Variants in ASB8 observed in about 807,000 individuals in gnomAD.
ASB8 encodes ankyrin repeat and SOCS box protein 8.
Under a neutral mutation model 22.9 loss-of-function variants are expected in ASB8, and 15 were observed. The observed-to-expected ratio is 0.66, with a 90% confidence interval of 0.44 to 1.01. The LOEUF is 1.01. Ranked by LOEUF, ASB8 falls within the 50% of genes least tolerant of loss-of-function variation. The pLI is 0.00. For synonymous variants in ASB8, 124 were observed against 140.8 expected (o/e 0.88, Z 0.84); for missense variants, 294 against 356.9 (o/e 0.82, Z 1.42).
intron 2 of ASB8, chr12:48,151,769 C>T (rs933486556): frequency 1.4e-5 from 8 of 578,774 alleles, no homozygotes; most frequent in Admixed American, 2.9e-5. Flanking sequence ...CATCTTAACA[C>T]GGTTTTTCCT....
intron 2 of ASB8, chr12:48,151,742 A>C: frequency 5.0e-6 from 4 of 793,156 alleles, no homozygotes; most frequent in Non-Finnish European, 7.4e-6. Flanking sequence ...ACAAATGACC[A>C]TCATTAATAG....
rs755429850 is a variant in ASB8, at chr12:48,153,520, T to A, written c.-24A>T. On this transcript the variant is annotated 5_prime_UTR_variant, in exon 2 of 4. Coordinates refer to ENST00000317697, the MANE Select transcript of ASB8 (RefSeq NM_024095.5). ...ATCAAGGCTCAAGGTGTTCACATGC[T>A]CCAAACTGCCTGAAACAAAGAAGTT... 3.1e-6 allele frequency: 5 copies of A among 1,612,022 alleles called. No homozygotes were observed. Among genetic ancestry groups the A allele is most frequent in the Non-Finnish European group, 4.2e-6 (5 of 1,178,674 alleles).
chr12:48,155,975 C>T (rs1951298044), intron 1 of ASB8, among the ~76,000 whole-genome samples: 1 of 151,662 alleles, frequency 6.6e-6, no homozygotes, highest in African/African-American at 2.4e-5. Flanking sequence ...CAGGGTTTCA[C>T]CATGTTGGCC....
At chr12:48,151,039 T>G in intron 3 of ASB8, 162 bp downstream of exon 3, 1 of 633,978 alleles carries the variant, frequency 1.6e-6, no homozygotes, top group Non-Finnish European at 2.8e-6. Flanking sequence ...TTTATATATT[T>G]ACCATTACAT....
In ASB8 at chr12:48,153,559, A is replaced by G. The variant is rs868615106; in HGVS notation, c.-33-30T>C. The stretch of plus-strand genomic sequence containing the variant: ...AACAAAGAAGTTTTCGGCATATACA[A>G]TATCACTGAGCACACCTGTCTTTAG... On this transcript the variant is annotated intron_variant, in intron 1 of 3. Transcript: ENST00000317697. 2.3e-5 allele frequency: 36 copies of G among 1,569,112 alleles called. No homozygotes were observed. The Middle Eastern group carries it at 1.2e-3, about 51-fold the overall frequency.
chr12:48,152,295 A>G (rs557133089), intron 2 of ASB8, among the ~76,000 whole-genome samples: 4 of 152,316 alleles, frequency 2.6e-5, no homozygotes, highest in South Asian at 2.1e-4. Flanking sequence ...ATAAGCTAAC[A>G]CTGCATGACT....
chr12:48,154,183 A>C (rs1207346040), intron 1 of ASB8, among the ~76,000 whole-genome samples: 1 of 152,176 alleles, frequency 6.6e-6, no homozygotes, highest in Non-Finnish European at 1.5e-5. Flanking sequence ...CAGAAGAGGA[A>C]AAAAAGGAAA....
rs566604007 is a variant in ASB8 at position 48,154,307 on chromosome 12, C to T, written c.-33-778G>A. Among the ~76,000 whole-genome samples the T allele has an allele frequency of 1.6e-3, 246 of 151,582 alleles. 1 individual carries two copies. Among genetic ancestry groups the T allele is most frequent in the Non-Finnish European group, 3.0e-3 (201 of 67,900 alleles). On this transcript the variant is annotated intron_variant, in intron 1 of 3. Transcript: ENST00000317697. The stretch of plus-strand genomic sequence containing the variant: ...CATCTTGGCTAACACAGTGAAACCC[C>T]GTCTCTACAAAAAATACAAAAAAAT...
chr12:48,150,855 G>A, intron 3 of ASB8: 1 of 422,052 alleles, frequency 2.4e-6, no homozygotes, highest in Non-Finnish European at 4.2e-6. Flanking sequence ...TAGACAATAA[G>A]CAATGAGAAG....
At position 48,149,551 on chromosome 12, in the gene ASB8, G is replaced by A. The variant is rs370055017; in HGVS notation, c.682C>T (p.Arg228Ter). 13 of 1,614,008 alleles carry A rather than the reference G, an allele frequency of 8.1e-6. No individual in the cohort carries two copies. The highest frequency in any genetic ancestry group is 2.2e-5 in the East Asian group (1 of 44,896). ...FELRKNGTMP[R>*]EVARDPQLCE... The stretch of plus-strand genomic sequence containing the variant: ...AGCTGCGGGTCTCTGGCCACCTCTC[G>A]TGGCATGGTGCCATTTTTCCTCAAT... Residue 228 changes from arginine (R) to a stop codon, truncating the protein, a stop_gained, in exon 4 of 4, where the codon CGA (arginine) becomes TGA (stop). Coordinates refer to ENST00000317697, the MANE Select transcript of ASB8 (RefSeq NM_024095.5). LOFTEE classifies it high-confidence loss of function.
At chr12:48,155,736 A>AT (rs1555211480) in intron 1 of ASB8, among the ~76,000 whole-genome samples, 2,721 of 120,658 alleles carry the variant, frequency 0.023, 53 homozygotes, top group African/African-American at 0.046. Context: ...TCTCAAAAAA[A>AT]AAAAAAATAT....
At chr12:48,157,040 T>G (rs1192370374) in intron 1 of ASB8, 1 of 147,776 alleles carries the variant, frequency 6.8e-6, no homozygotes, top group Non-Finnish European at 1.5e-5. Flanking sequence ...ACAGCTCTGA[T>G]GCGAGGGAGG....
At chr12:48,151,710 G>A in intron 2 of ASB8, 1 of 1,112,556 alleles carries the variant, frequency 9.0e-7, no homozygotes. Context: ...GGCCAGAAAT[G>A]GCATGCTCTT....
Position 48,148,958 on chromosome 12 carries a change from C to T in ASB8, c.*408G>A, listed in dbSNP as rs532572583. ...GGATTACAGACGTGAGCCACCATGG[C>T]TGGCCTAAAATGCTTTCTAGAAGGG... On this transcript the variant is annotated 3_prime_UTR_variant, in exon 4 of 4. Transcript: ENST00000317697. The T allele has an allele frequency of 5.5e-6, 1 of 182,398 alleles. No individual in the cohort carries two copies. Among genetic ancestry groups the T allele is most frequent in the East Asian group, 1.5e-4 (1 of 6,710 alleles). 11.3% of individuals were successfully genotyped at this position (182,398 alleles called of 1,614,324 possible). A position where few individuals can be genotyped will look rare whatever the true frequency, so the allele number is the denominator to read the frequency against.
Position 48,149,349 on chromosome 12 carries a change from G to A in ASB8, c.*17C>T, listed in dbSNP as rs375294314. On this transcript the variant is annotated 3_prime_UTR_variant, in exon 4 of 4. Transcript: ENST00000317697. ...CACCCAGAGCTGCCTGCACGATGGT[G>A]CAAACATCTTCTCCGGCTATTCTAA... 4.4e-6 allele frequency: 7 copies of A among 1,608,026 alleles called. 1 individual carries two copies. The South Asian group carries it at 7.7e-5, about 18-fold the overall frequency.
rs1951169537 is a variant in ASB8, at chr12:48,149,871, G to A, written c.362C>T (p.Pro121Leu). ...GTTCTTAAAGGCTGCCCAGTGAAGT[G>A]GGGTATCTCTGTTGCCATCCAAAGC... ...PNALDGNRDT[P>L]LHWAAFKNNA... The change falls in exon 4 of 4, where the codon CCA becomes CTA. Residue 121 changes from proline to leucine, a missense_variant. By Grantham distance (98) the Pro-to-Leu change is moderately conservative. Transcript: ENST00000317697. The A allele has an allele frequency of 6.2e-7, 1 of 1,614,192 alleles. No individual in the cohort carries two copies. Among genetic ancestry groups the A allele is most frequent in the Non-Finnish European group, 8.5e-7 (1 of 1,180,042 alleles).
intron 2 of ASB8, chr12:48,152,834 A>T (rs551073198): frequency 6.6e-6 from 1 of 152,142 alleles, no homozygotes; most frequent in Non-Finnish European, 1.5e-5. Context: ...ATCTCTACAA[A>T]AAATTAAAAA....
In ASB8 at chr12:48,149,610, A is replaced by G; in HGVS notation, c.623T>C (p.Phe208Ser). Residue 208 changes from phenylalanine (F) to serine (S), a missense_variant, in exon 4 of 4, where the codon TTT becomes TCT. Physicochemically the swap from Phe to Ser is radical, Grantham distance 155. Coordinates refer to ENST00000317697, the MANE Select transcript of ASB8 (RefSeq NM_024095.5). ...GLGTEKEDSC[F>S]ELLHRAVGHF... The stretch of plus-strand genomic sequence containing the variant: ...TCCAACAGCTCTGTGGAGGAGCTCA[A>G]AGCAAGAGTCCTCTTTCTCTGTTCC... 6.2e-7 allele frequency: 1 copy of G among 1,614,172 alleles called. No individual in the cohort carries two copies. Among genetic ancestry groups the G allele is most frequent in the Non-Finnish European group, 8.5e-7 (1 of 1,180,008 alleles).
At chr12:48,152,604 A>G (rs1334131369) in intron 2 of ASB8, among the ~76,000 whole-genome samples, 2 of 152,262 alleles carry the variant, frequency 1.3e-5, no homozygotes, top group Non-Finnish European at 2.9e-5. Flanking sequence ...CTACAGAGCT[A>G]GAAGTGGTAG....
Sources: gnomAD v4.1 joint callset for allele counts (sites outside exome capture counted in the v4.1 genomes callset) on GRCh38, gnomAD v4.1.1 for gene constraint, MANE v1.5 for transcripts, NCBI Gene and HGNC (gene_info 2026-07-23, HGNC 2026-07-21) for gene names.